The following ETV6 variants were observed in gnomAD, a reference collection of about 807,000 sequenced individuals.
ETV6 encodes ETS variant transcription factor 6.
ETV6 carries 16 observed loss-of-function variants against 51.1 expected under a neutral mutation model. The ratio of observed to expected loss-of-function variants is 0.31; its 90% CI spans 0.21 to 0.48. The LOEUF (loss-of-function observed/expected upper bound fraction) is 0.48, where lower values mean the gene tolerates loss of function less well. Among genes scored for constraint, ETV6 ranks in the 20% least tolerant of loss-of-function variants. ETV6 has a pLI of 0.99. For missense variants in ETV6, 458 were observed against 594.8 expected (o/e 0.77, Z 2.39); for synonymous variants, 240 against 224.1 (o/e 1.07, Z -0.64).
Position 11,796,509 on chromosome 12 carries a change from T to C in ETV6, c.164-42631T>C, listed in dbSNP as rs150262417. Among the ~76,000 whole-genome samples, 10 of 152,246 alleles carry C rather than the reference T, an allele frequency of 6.6e-5. No homozygotes were observed. The East Asian group carries it at 1.9e-3, about 29-fold the overall frequency. On this transcript the variant is annotated intron_variant, in intron 2 of 7. Transcript: ENST00000396373. ...CCTTCTGACTCTCAACCCAATGAGATACAAATAAAATAGTGGAAACCACCA... is the reference window on the plus strand; with the variant it reads ...CCTTCTGACTCTCAACCCAATGAGACACAAATAAAATAGTGGAAACCACCA...
rs567201908 is a variant in ETV6 at position 11,852,291 on chromosome 12, C to A, written c.329-1136C>A. Among the ~76,000 whole-genome samples, 15 of 152,298 alleles carry A rather than the reference C, an allele frequency of 9.8e-5. 1 individual carries two copies. In the South Asian group the frequency reaches 3.1e-3, roughly 32 times the overall value. On this transcript the variant is annotated intron_variant, in intron 3 of 7. Coordinates refer to ENST00000396373, the MANE Select transcript of ETV6 (RefSeq NM_001987.5). ...CAGAAAGGCACCTGCTCAACCCAGC[C>A]CCTGCCATCCTCTGGCAATGGCCTG...
At chr12:11,757,128 G>A (rs1186807585) in intron 2 of ETV6, among the ~76,000 whole-genome samples, 2 of 152,116 alleles carry the variant, frequency 1.3e-5, no homozygotes, top group East Asian at 3.9e-4. Context: ...TCTGGAGTCA[G>A]AACACCAGAA....
At chr12:11,670,492 A>G (rs1404693141) in intron 1 of ETV6, among the ~76,000 whole-genome samples, 6 of 152,266 alleles carry the variant, frequency 3.9e-5, no homozygotes, top group Non-Finnish European at 5.9e-5. Context: ...TTCTTTAACT[A>G]TAGTTACTCA....
rs2136621371 is a variant in ETV6, at chr12:11,892,723, T to G, written c.*1677T>G. On this transcript the variant is annotated 3_prime_UTR_variant, in exon 8 of 8. Coordinates refer to ENST00000396373, the MANE Select transcript of ETV6 (RefSeq NM_001987.5). ...CTCAGCAGCAGCTCCCAGGTGAAGT[T>G]ACCAGACCCCTGGGCTTCTCCCCAG... 1 of 233,110 alleles carries G rather than the reference T, an allele frequency of 4.3e-6. No individual in the cohort carries two copies. The highest frequency in any genetic ancestry group is 6.0e-5 in the East Asian group (1 of 16,550). 14.4% of individuals were successfully genotyped at this position (233,110 alleles called of 1,614,324 possible).
At chr12:11,685,346 A>G (rs1172206623) in intron 1 of ETV6, among the ~76,000 whole-genome samples, 1 of 151,972 alleles carries the variant, frequency 6.6e-6, no homozygotes, top group African/African-American at 2.4e-5. Flanking sequence ...AAGGAAAAAA[A>G]GAAATGGAAA....
At chr12:11,822,191 G>A (rs117130678) in intron 2 of ETV6, among the ~76,000 whole-genome samples, 1 of 152,352 alleles carries the variant, frequency 6.6e-6, no homozygotes, top group Non-Finnish European at 1.5e-5. Flanking sequence ...CATCTCCTAG[G>A]TTAGACGGAT....
chr12:11,880,395 C>T (rs1947072299), intron 5 of ETV6, among the ~76,000 whole-genome samples: 1 of 152,200 alleles, frequency 6.6e-6, no homozygotes, highest in Non-Finnish European at 1.5e-5. Flanking sequence ...ACGGTGTTCT[C>T]TGGTAAGCCC....
intron 1 of ETV6, among the ~76,000 whole-genome samples, chr12:11,660,407 C>T (rs890104278): frequency 6.6e-6 from 1 of 151,890 alleles, no homozygotes; most frequent in Non-Finnish European, 1.5e-5. Flanking sequence ...GAGTTCAAGA[C>T]CAGCCTGGCC....
chr12:11,715,317 G>T (rs980579911), intron 1 of ETV6, among the ~76,000 whole-genome samples: 1 of 152,132 alleles, frequency 6.6e-6, no homozygotes, highest in African/African-American at 2.4e-5. Flanking sequence ...TTATTTTGAA[G>T]ATGAAGAGAA....
chr12:11,791,151 G>C (rs7137896), intron 2 of ETV6, among the ~76,000 whole-genome samples: 8,548 of 152,120 alleles, frequency 0.056, 803 homozygotes, highest in African/African-American at 0.2. Context: ...GCTTTCTTGG[G>C]TTTGCTAAGT....
chr12:11,893,794 TTATATATATATATA>T lies in ETV6; in HGVS notation c.*2783_*2796del, dbSNP rs57308697. 0.19 allele frequency: 15,330 copies of T among 78,894 alleles called. 1,447 individuals carry two copies. The highest frequency in any genetic ancestry group is 0.25 in the South Asian group (506 of 2,028). The allele number at this position is 78,894 out of a possible 1,614,324, so 4.9% of individuals were successfully genotyped here. Reference sequence around the variant, plus strand: ...GTGTCCATCCCCAAGATCTCTCATTTTATATATATATATATATATATATATATATATATATATAT... The same window carrying T: ...GTGTCCATCCCCAAGATCTCTCATTTTATATATATATATATATATATATAT... On this transcript the variant is annotated 3_prime_UTR_variant, in exon 8 of 8. Coordinates refer to ENST00000396373, the MANE Select transcript of ETV6 (RefSeq NM_001987.5).
In ETV6 at chr12:11,853,338, C is replaced by T. The variant is rs546457725; in HGVS notation, c.329-89C>T. 8 of 1,504,282 alleles carry T rather than the reference C, an allele frequency of 5.3e-6. No individual in the cohort carries two copies. In the East Asian group the frequency reaches 1.4e-4, roughly 25 times the overall value. The allele number at this position is 1,504,282 out of a possible 1,614,324, so 93.2% of individuals were successfully genotyped here. A position where few individuals can be genotyped will look rare whatever the true frequency, so the allele number is the denominator to read the frequency against. On this transcript the variant is annotated intron_variant, in intron 3 of 7. Transcript: ENST00000396373. The stretch of plus-strand genomic sequence containing the variant: ...GTGCGCTCCAATTGTATCTTTGGCA[C>T]CGTGCCAGGCACTTAGCTGCTGCTC...
chr12:11,658,522 A>T (rs183217913), intron 1 of ETV6, among the ~76,000 whole-genome samples: 1 of 152,356 alleles, frequency 6.6e-6, no homozygotes, highest in African/African-American at 2.4e-5. Context: ...GGCGTGAGCC[A>T]CTGTCCCCGG....
At chr12:11,777,298 AAGGC>A (rs1319010616) in intron 2 of ETV6, among the ~76,000 whole-genome samples, 1 of 151,960 alleles carries the variant, frequency 6.6e-6, no homozygotes, top group Non-Finnish European at 1.5e-5. Flanking sequence ...TATAATTGAA[AAGGC>A]AGGGTACAAA....
intron 2 of ETV6, among the ~76,000 whole-genome samples, chr12:11,764,710 T>C (rs1456087582): frequency 6.6e-6 from 1 of 152,168 alleles, no homozygotes; most frequent in Non-Finnish European, 1.5e-5. Context: ...CTGGGTGGCC[T>C]ATGTGTGTGT....
intron 1 of ETV6, among the ~76,000 whole-genome samples, chr12:11,657,259 T>C (rs569689097): frequency 6.6e-6 from 1 of 152,316 alleles, no homozygotes; most frequent in East Asian, 1.9e-4. Flanking sequence ...GAGATCACAT[T>C]CCTAACTGAT....
intron 1 of ETV6, among the ~76,000 whole-genome samples, chr12:11,719,677 C>T (rs1024209892): frequency 2.0e-5 from 3 of 152,264 alleles, no homozygotes; most frequent in Admixed American, 1.3e-4. Context: ...TTTGGGGGTG[C>T]TAGGGCAGAG....
chr12:11,864,083 G>A (rs1405630337), intron 4 of ETV6, among the ~76,000 whole-genome samples: 1 of 152,202 alleles, frequency 6.6e-6, no homozygotes, highest in Non-Finnish European at 1.5e-5. Context: ...AGTAAAATCT[G>A]AGTTGGATTA....
At chr12:11,831,343 A>G (rs892370957) in intron 2 of ETV6, among the ~76,000 whole-genome samples, 1 of 152,162 alleles carries the variant, frequency 6.6e-6, no homozygotes, top group Non-Finnish European at 1.5e-5. Flanking sequence ...CTCTTGCCTC[A>G]GCTTCCCAAG....
Sources: allele counts gnomAD v4.1 joint callset (sites outside exome capture counted in the v4.1 genomes callset), GRCh38; gene constraint gnomAD v4.1.1; transcripts MANE v1.5; gene names NCBI Gene and HGNC (gene_info 2026-07-23, HGNC 2026-07-21).